GRM8: variants seen among roughly 807,000 people sequenced by gnomAD.
GRM8 encodes the protein metabotropic glutamate receptor 8.
In GRM8, 47 loss-of-function variants were observed where a neutral mutation model predicts 87.2. The observed-to-expected ratio is 0.54, with a 90% CI of 0.43 to 0.69. The LOEUF is 0.69. Ranked by LOEUF, GRM8 falls within the 30% of genes least tolerant of loss-of-function variation. The pLI is 0.00. For synonymous variants in GRM8, 396 were observed against 404.5 expected, an observed-to-expected ratio of 0.98 and a Z score of 0.25; for missense variants, 1,019 against 1,139.2, an observed-to-expected ratio of 0.89 and a Z score of 1.52.
chr7:126,577,095 A>G (rs1402322251), intron 8 of GRM8, among the ~76,000 whole-genome samples: 1 of 152,204 alleles, frequency 6.6e-6, no homozygotes, highest in East Asian at 1.9e-4. Context: ...AAACTTGGCC[A>G]TCAATTCCTT....
chr7:127,053,010 T>C (rs1426534027), intron 3 of GRM8, among the ~76,000 whole-genome samples: 1 of 149,552 alleles, frequency 6.7e-6, no homozygotes, highest in South Asian at 2.2e-4. Context: ...ACCATCAATA[T>C]GTATTTTTAA....
chr7:126,456,828 C>T (rs576662150), intron 9 of GRM8, among the ~76,000 whole-genome samples: 95 of 151,528 alleles, frequency 6.3e-4, no homozygotes, highest in Admixed American at 1.5e-3. Flanking sequence ...ATATATATAA[C>T]ATCTACATTT....
At chr7:126,933,133 G>A (rs1048208147) in intron 3 of GRM8, among the ~76,000 whole-genome samples, 6 of 152,178 alleles carry the variant, frequency 3.9e-5, no homozygotes, top group Admixed American at 3.3e-4. Flanking sequence ...CAAGAATGAC[G>A]CCTTCAGCAT....
chr7:127,205,161 C>T lies in GRM8; in HGVS notation c.510+37534G>A, dbSNP rs145945980. The stretch of plus-strand genomic sequence containing the variant: ...TAGTTTCTTTTTCAGTGAGAACAGA[C>T]GCGCCACTGCTACAGCTGGCCCTGT... On this transcript the variant is annotated intron_variant, in intron 2 of 10. Coordinates refer to ENST00000339582, the MANE Select transcript of GRM8 (RefSeq NM_000845.3). Among the ~76,000 whole-genome samples, 187 of 152,292 alleles carry T rather than the reference C, an allele frequency of 1.2e-3. 2 individuals carry two copies. The highest frequency in any genetic ancestry group is 0.011 in the Admixed American group (161 of 15,296).
Position 127,221,347 on chromosome 7 carries a change from G to T in GRM8, c.510+21348C>A, listed in dbSNP as rs563040541. ...GGGGCTGTAGACCCCGTTGAGCCCT[G>T]CCCAGTATTCCTTTTCCACCTGTCA... On this transcript the variant is annotated intron_variant, in intron 2 of 10. Transcript: ENST00000339582. Among the ~76,000 whole-genome samples the T allele has an allele frequency of 2.0e-5, 3 of 152,096 alleles. No individual in the cohort carries two copies. The South Asian group carries it at 6.2e-4, about 32-fold the overall frequency.
chr7:126,981,423 G>A (rs1361549815), intron 3 of GRM8: 2 of 152,142 alleles, frequency 1.3e-5, no homozygotes, highest in Non-Finnish European at 2.9e-5. Flanking sequence ...GAGAACTTGA[G>A]TCCAAAGTTA....
chr7:126,941,443 T>TAAAAA (rs11453714), intron 3 of GRM8, among the ~76,000 whole-genome samples: 61 of 128,864 alleles, frequency 4.7e-4, no homozygotes, highest in African/African-American at 1.8e-3. Context: ...CCATCTCTAC[T>TAAAAA]AAAAAAAAAA....
chr7:126,989,884 C>A (rs1281890921), intron 3 of GRM8, among the ~76,000 whole-genome samples: 2 of 151,990 alleles, frequency 1.3e-5, no homozygotes, highest in Non-Finnish European at 2.9e-5. Context: ...ATCACCTGAG[C>A]CCAGGAGGTA....
chr7:126,973,387 T>G, intron 3 of GRM8, among the ~76,000 whole-genome samples: 1 of 152,218 alleles, frequency 6.6e-6, no homozygotes, highest in Non-Finnish European at 1.5e-5. Flanking sequence ...CTTGGACAGG[T>G]TACTTCATGT....
At chr7:127,109,162 C>T (rs918324938) in intron 2 of GRM8, among the ~76,000 whole-genome samples, 1 of 152,012 alleles carries the variant, frequency 6.6e-6, no homozygotes, top group African/African-American at 2.4e-5. Flanking sequence ...CTGCAACTAC[C>T]CACTTAACCT....
At chr7:126,522,434 C>A (rs1813123223) in intron 9 of GRM8, among the ~76,000 whole-genome samples, 1 of 152,162 alleles carries the variant, frequency 6.6e-6, no homozygotes, top group African/African-American at 2.4e-5. Context: ...GAATCCCTAG[C>A]AAATGAAGTA....
chr7:126,811,138 A>G (rs1258600538), intron 6 of GRM8, among the ~76,000 whole-genome samples: 1 of 152,020 alleles, frequency 6.6e-6, no homozygotes, highest in Non-Finnish European at 1.5e-5. Context: ...TTCATTCCCA[A>G]TGTATGTTCT....
At chr7:126,956,456 G>C (rs921684275) in intron 3 of GRM8, among the ~76,000 whole-genome samples, 2 of 152,174 alleles carry the variant, frequency 1.3e-5, no homozygotes, top group African/African-American at 4.8e-5. Context: ...TTCAATAAAT[G>C]CTAAGTTTCA....
At chr7:126,462,016 A>C (rs1043982941) in intron 9 of GRM8, among the ~76,000 whole-genome samples, 1 of 151,644 alleles carries the variant, frequency 6.6e-6, no homozygotes, top group Non-Finnish European at 1.5e-5. Context: ...ACTTCTCATA[A>C]TGCATGTTTC....
At chr7:126,787,147 C>T (rs998121185) in intron 6 of GRM8, among the ~76,000 whole-genome samples, 3 of 152,184 alleles carry the variant, frequency 2.0e-5, no homozygotes, top group African/African-American at 7.2e-5. Flanking sequence ...AAAGAAACTG[C>T]TTCACACAGA....
intron 2 of GRM8, among the ~76,000 whole-genome samples, chr7:127,127,225 C>T (rs1827423654): frequency 6.6e-6 from 1 of 151,902 alleles, no homozygotes; most frequent in Non-Finnish European, 1.5e-5. Flanking sequence ...TATGTATGTA[C>T]ACTTATAAAA....
At chr7:126,583,658 G>A (rs1795829199) in intron 8 of GRM8, among the ~76,000 whole-genome samples, 2 of 152,152 alleles carry the variant, frequency 1.3e-5, no homozygotes, top group South Asian at 4.1e-4. Flanking sequence ...GAAATACCAA[G>A]AGAACTAGAT....
At chr7:126,688,043 C>A (rs1269538022) in intron 7 of GRM8, among the ~76,000 whole-genome samples, 1 of 152,062 alleles carries the variant, frequency 6.6e-6, no homozygotes, top group Non-Finnish European at 1.5e-5. Flanking sequence ...ACAAGCATTT[C>A]AATCATTATG....
chr7:126,447,394 C>A (rs1802131054), intron 9 of GRM8, among the ~76,000 whole-genome samples: 1 of 151,860 alleles, frequency 6.6e-6, no homozygotes, highest in East Asian at 2.0e-4. Context: ...CATCTTAAGA[C>A]TGTAAAGAGA....
Sources: allele counts gnomAD v4.1 joint callset (sites outside exome capture counted in the v4.1 genomes callset), GRCh38; gene constraint gnomAD v4.1.1; transcripts MANE v1.5; gene names NCBI Gene and HGNC (gene_info 2026-07-23, HGNC 2026-07-21).